The following COBL variants were observed in gnomAD, a reference collection of about 807,000 sequenced individuals.
COBL encodes the protein protein cordon-bleu.
COBL carries 51 observed loss-of-function variants against 98.8 expected under a neutral mutation model. That is an observed-to-expected ratio of 0.52 (90% CI 0.41 to 0.65). COBL has a LOEUF of 0.65. COBL is among the 30% of genes least tolerant of loss of function. The pLI, the probability that COBL is intolerant of heterozygous loss-of-function variation, is 0.00. For synonymous variants in COBL, 634 were observed against 651.7 expected (o/e 0.97, Z 0.41); for missense variants, 1,617 against 1,617.5 (o/e 1.00, Z 0.01).
At chr7:51,117,241 A>G (rs982210552) in intron 6 of COBL, among the ~76,000 whole-genome samples, 2 of 152,018 alleles carry the variant, frequency 1.3e-5, no homozygotes, top group Non-Finnish European at 2.9e-5. Flanking sequence ...TTTAATTTGT[A>G]AATTTTGTCT....
intron 6 of COBL, among the ~76,000 whole-genome samples, chr7:51,125,393 G>A (rs1210880415): frequency 6.6e-6 from 1 of 152,162 alleles, no homozygotes; most frequent in Non-Finnish European, 1.5e-5. Flanking sequence ...CCAGCCTCCA[G>A]GACTGTGAGA....
At chr7:51,307,004 G>C (rs1244762048) in intron 1 of COBL, among the ~76,000 whole-genome samples, 1 of 152,136 alleles carries the variant, frequency 6.6e-6, no homozygotes, top group Non-Finnish European at 1.5e-5. Flanking sequence ...TGAGGACGTG[G>C]ACACTGACGA....
chr7:51,156,658 A>T, intron 5 of COBL: 1 of 869,718 alleles, frequency 1.1e-6, no homozygotes, highest in Non-Finnish European at 1.4e-6. Context: ...GCTATTTTTA[A>T]ACACACATTT....
At chr7:51,216,038 T>A (rs1341760521) in intron 2 of COBL, among the ~76,000 whole-genome samples, 2 of 152,218 alleles carry the variant, frequency 1.3e-5, no homozygotes, top group African/African-American at 4.8e-5. Flanking sequence ...GCAGATTTCC[T>A]CTCTTCTGCA....
intron 1 of COBL, among the ~76,000 whole-genome samples, chr7:51,237,702 T>C (rs1325526209): frequency 2.6e-5 from 4 of 152,188 alleles, no homozygotes; most frequent in Non-Finnish European, 2.9e-5. Context: ...GGCCATGTCA[T>C]GGTCCGTTAA....
chr7:51,218,961 T>C (rs962143516), intron 2 of COBL, among the ~76,000 whole-genome samples: 1 of 152,254 alleles, frequency 6.6e-6, no homozygotes, highest in African/African-American at 2.4e-5. Flanking sequence ...TTTTTTATTA[T>C]ACATTGGGTT....
chr7:51,208,984 C>T (rs1333403257), intron 2 of COBL, among the ~76,000 whole-genome samples: 2 of 150,468 alleles, frequency 1.3e-5, no homozygotes, highest in Non-Finnish European at 3.0e-5. Context: ...GACCTTCCCT[C>T]CACTATTGTC....
rs566752530 is a variant in COBL at position 51,092,229 on chromosome 7, C to T, written c.958-6925G>A. Among the ~76,000 whole-genome samples, 261 of 152,334 alleles carry T rather than the reference C, an allele frequency of 1.7e-3. 2 individuals carry two copies. Among genetic ancestry groups the T allele is most frequent in the African/African-American group, 3.9e-3 (164 of 41,570 alleles). On this transcript the variant is annotated intron_variant, in intron 6 of 12. Transcript: ENST00000265136. ...TTATCCCGAAACCATCCCTGCCCCA[C>T]TGGTCCGTGGAAAAATTGTCTTCCA...
intron 7 of COBL, among the ~76,000 whole-genome samples, chr7:51,063,012 AC>A (rs1791539544): frequency 6.6e-6 from 1 of 152,204 alleles, no homozygotes; most frequent in African/African-American, 2.4e-5. Context: ...TGTAGGGGGC[AC>A]ACCTTCAGCA....
In COBL at chr7:51,306,995, G is replaced by C. The variant is rs143993156; in HGVS notation, c.41+9598C>G. ...GTGGCCTAGCAGAGTGGCCAACGAT[G>C]AGGACGTGGACACTGACGAGAGACG... On this transcript the variant is annotated intron_variant, in intron 1 of 12. Coordinates refer to ENST00000265136, the MANE Select transcript of COBL (RefSeq NM_015198.5). Among the ~76,000 whole-genome samples, 682 of 152,310 alleles carry C rather than the reference G, an allele frequency of 4.5e-3. 4 individuals carry two copies. The highest frequency in any genetic ancestry group is 8.0e-3 in the Non-Finnish European group (544 of 68,030).
chr7:51,218,114 C>T (rs1793270377), intron 2 of COBL, among the ~76,000 whole-genome samples: 1 of 152,228 alleles, frequency 6.6e-6, no homozygotes, highest in Non-Finnish European at 1.5e-5. Context: ...AGCTGAAATA[C>T]TGTATCCCAT....
intron 12 of COBL, among the ~76,000 whole-genome samples, chr7:51,021,611 A>G (rs1166215220): frequency 6.6e-6 from 1 of 152,192 alleles, no homozygotes; most frequent in East Asian, 1.9e-4. Flanking sequence ...TACAGCTGTG[A>G]GCCACTATGC....
chr7:51,204,319 G>A (rs1038521909), intron 2 of COBL, among the ~76,000 whole-genome samples: 1 of 152,174 alleles, frequency 6.6e-6, no homozygotes, highest in African/African-American at 2.4e-5. Flanking sequence ...AAGCAAGGAT[G>A]TCCGCTCTCA....
In COBL at chr7:51,192,601, C is replaced by T. The variant is rs117884174; in HGVS notation, c.456+778G>A. 7.2e-3 allele frequency among the ~76,000 whole-genome samples: 1,089 copies of T among 152,078 alleles called. 4 individuals are homozygous for T. Among genetic ancestry groups the T allele is most frequent in the Non-Finnish European group, 0.011 (759 of 67,996 alleles). On this transcript the variant is annotated intron_variant, in intron 3 of 12. Transcript: ENST00000265136. ...AGCCTGGGCAACAAGAGTGAAGCTC[C>T]GTCTCAAAACAACAACAACAAAAAC...
intron 1 of COBL, among the ~76,000 whole-genome samples, chr7:51,264,123 C>T (rs1323992545): frequency 3.3e-5 from 5 of 152,194 alleles, no homozygotes; most frequent in Admixed American, 2.6e-4. Context: ...CCATGAGATG[C>T]CTTCTGAGTT....
chr7:51,217,345 T>TC (rs1381965347), intron 2 of COBL, among the ~76,000 whole-genome samples: 14 of 148,418 alleles, frequency 9.4e-5, no homozygotes, highest in African/African-American at 3.2e-4. Flanking sequence ...TTTTTCTTTT[T>TC]TTTTTTTTTT....
intron 1 of COBL, among the ~76,000 whole-genome samples, chr7:51,288,991 G>T (rs1193069299): frequency 6.6e-6 from 1 of 152,060 alleles, no homozygotes; most frequent in Non-Finnish European, 1.5e-5. Context: ...GGAGTGCAGG[G>T]CCAAAACGTC....
intron 6 of COBL, among the ~76,000 whole-genome samples, chr7:51,110,046 C>A (rs1394332888): frequency 6.6e-6 from 1 of 152,184 alleles, no homozygotes; most frequent in Non-Finnish European, 1.5e-5. Flanking sequence ...TACAAGCTTA[C>A]AATGTGTAAT....
Position 51,044,408 on chromosome 7 carries a change from C to T in COBL, c.1097-716G>A, listed in dbSNP as rs116726929. The stretch of plus-strand genomic sequence containing the variant: ...ACCTAGCTATTTGTAGATAGCAATA[C>T]ATTAAGTGTAAGTAATGGGAGGTCA... On this transcript the variant is annotated intron_variant, in intron 7 of 12. Transcript: ENST00000265136. 2.6e-3 allele frequency among the ~76,000 whole-genome samples: 392 copies of T among 152,286 alleles called. 3 individuals carry two copies. The highest frequency in any genetic ancestry group is 9.2e-3 in the African/African-American group (381 of 41,580).
Sources: allele counts gnomAD v4.1 joint callset (sites outside exome capture counted in the v4.1 genomes callset), GRCh38; gene constraint gnomAD v4.1.1; transcripts MANE v1.5; gene names NCBI Gene and HGNC (gene_info 2026-07-23, HGNC 2026-07-21).